Variants in EDA observed in about 807,000 individuals in gnomAD.
EDA encodes ectodysplasin-A.
A neutral mutation model predicts 23.6 loss-of-function variants in EDA; 2 were observed. That is an observed-to-expected ratio of 0.08 (90% CI 0.03 to 0.27). The LOEUF is 0.27. EDA is among the 10% of genes least tolerant of loss of function. The pLI, the probability that EDA is intolerant of heterozygous loss-of-function variation, is 1.00. For synonymous variants in EDA, 131 were observed against 132.0 expected (o/e 0.99, Z 0.05); for missense variants, 229 against 324.2 (o/e 0.71, Z 2.26).
At chrX:69,923,545 G>A (rs2018467999) in intron 1 of EDA, among the ~76,000 whole-genome samples, 1 of 111,665 alleles carries the variant, frequency 9.0e-6, no homozygotes, top group South Asian at 3.8e-4. Context: ...TCATTGATAG[G>A]CATTTGGGTT....
chrX:69,707,124 A>G (rs773927034), intron 1 of EDA, among the ~76,000 whole-genome samples: 98 of 112,453 alleles, frequency 8.7e-4, no homozygotes, highest in African/African-American at 3.1e-3. Flanking sequence ...GGCAGAACAT[A>G]TAGTCAACAG....
chrX:69,720,833 A>G (rs1206236297), intron 1 of EDA, among the ~76,000 whole-genome samples: 2 of 112,529 alleles, frequency 1.8e-5, no homozygotes, highest in African/African-American at 6.5e-5. Context: ...AAATAATTCT[A>G]ACATCTGATT....
intron 1 of EDA, among the ~76,000 whole-genome samples, chrX:69,789,797 A>G (rs2015345749): frequency 1.8e-5 from 2 of 112,283 alleles, no homozygotes; most frequent in South Asian, 7.4e-4. Context: ...ATGGCCTCAA[A>G]AAGTAGATAG....
intron 1 of EDA, among the ~76,000 whole-genome samples, chrX:69,817,042 A>G (rs1439738254): frequency 8.9e-6 from 1 of 112,023 alleles, no homozygotes; most frequent in Non-Finnish European, 1.9e-5. Context: ...AAAGCCAGAA[A>G]AGATTGGGGC....
chrX:69,982,625 T>G (rs1248295018), intron 2 of EDA, among the ~76,000 whole-genome samples: 2 of 111,945 alleles, frequency 1.8e-5, no homozygotes, highest in East Asian at 2.8e-4. Context: ...TTTTTTTTCT[T>G]AAAAATAAAA....
intron 1 of EDA, chrX:69,938,128 C>G: frequency 1.4e-6 from 1 of 727,834 alleles, no homozygotes; most frequent in Non-Finnish European, 2.0e-6. Context: ...TCACTGAGCT[C>G]TCACTCCTCC....
chrX:69,706,055 TC>T (rs1327571086), intron 1 of EDA, among the ~76,000 whole-genome samples: 1 of 112,273 alleles, frequency 8.9e-6, no homozygotes, highest in African/African-American at 3.2e-5. Flanking sequence ...CTGCCTTTCT[TC>T]CGGTGCAGAG....
intron 1 of EDA, among the ~76,000 whole-genome samples, chrX:69,840,666 A>G (rs2016875659): frequency 8.9e-6 from 1 of 112,409 alleles, no homozygotes; most frequent in South Asian, 3.6e-4. Context: ...TCAACCTGCT[A>G]TAACAAAATT....
intron 2 of EDA, among the ~76,000 whole-genome samples, chrX:69,978,318 TAAAAAAAAAAAAAAAAAA>T (rs144187734): frequency 0.12 from 2,436 of 20,592 alleles, 167 homozygotes; most frequent in African/African-American, 0.29. Flanking sequence ...ACTCCATCTC[TAAAAAAAAAAAAAAAAAA>T]AAAAAAAAAA....
chrX:69,753,232 C>T (rs1201986084), intron 1 of EDA, among the ~76,000 whole-genome samples: 1 of 111,923 alleles, frequency 8.9e-6, no homozygotes, highest in Non-Finnish European at 1.9e-5. Flanking sequence ...GAATTTCCCT[C>T]TACACACTGC....
intron 1 of EDA, among the ~76,000 whole-genome samples, chrX:69,774,559 T>C (rs185614351): frequency 1.0e-5 from 1 of 96,821 alleles, no homozygotes; most frequent in African/African-American, 3.3e-5. Context: ...TTGTTGTATA[T>C]TTTGTTTTGT....
At chrX:69,720,223 A>G (rs959035104) in intron 1 of EDA, among the ~76,000 whole-genome samples, 8 of 112,155 alleles carry the variant, frequency 7.1e-5, no homozygotes, top group Non-Finnish European at 1.5e-4. Flanking sequence ...TGCCCTTTCT[A>G]TTGGCCTTTA....
chrX:69,886,569 CT>C lies in EDA; in HGVS notation c.397-70455del, dbSNP rs1045907596. Among the ~76,000 whole-genome samples, 17 of 111,467 alleles carry C rather than the reference CT, an allele frequency of 1.5e-4. 1 individual carries two copies. The highest frequency in any genetic ancestry group is 3.0e-4 in the Non-Finnish European group (16 of 53,069). On this transcript the variant is annotated intron_variant, in intron 1 of 7. Coordinates refer to ENST00000374552, the MANE Select transcript of EDA (RefSeq NM_001399.5). Reference sequence around the variant, plus strand: ...TACCCACTCAGTGATCCAACAAGAGCTTTCCCAGGGACTCAAAGTAAGTCAC... The same window carrying C: ...TACCCACTCAGTGATCCAACAAGAGCTTCCCAGGGACTCAAAGTAAGTCAC...
At chrX:69,690,177 C>T (rs991940758) in intron 1 of EDA, among the ~76,000 whole-genome samples, 3 of 111,047 alleles carry the variant, frequency 2.7e-5, no homozygotes, top group East Asian at 2.8e-4. Context: ...TAACTATAAC[C>T]TCTAGTAACA....
At chrX:69,695,613 G>A (rs1219238380) in intron 1 of EDA, among the ~76,000 whole-genome samples, 3 of 103,968 alleles carry the variant, frequency 2.9e-5, no homozygotes, top group South Asian at 4.8e-4. Flanking sequence ...AGGTTCAAGC[G>A]ATTCTCCTGC....
rs1439550598 is a variant in EDA, at chrX:69,849,080, TATACACACACACACACAC to T, written c.397-107945_397-107928del. ...TTTAATATAATGCACACAAAGTCTA[TATACACACACACACACAC>T]ACACACACACACACACACACACACA... On this transcript the variant is annotated intron_variant, in intron 1 of 7. Transcript: ENST00000374552. Among the ~76,000 whole-genome samples the T allele has an allele frequency of 4.3e-3, 363 of 84,702 alleles. 2 individuals carry two copies. The highest frequency in any genetic ancestry group is 0.013 in the South Asian group (21 of 1,593). 73.6% of individuals were successfully genotyped at this position (84,702 alleles called of 115,157 possible). A position where few individuals can be genotyped will look rare whatever the true frequency, so the allele number is the denominator to read the frequency against.
chrX:69,990,568 G>C (rs2019573021), intron 2 of EDA, among the ~76,000 whole-genome samples: 2 of 110,722 alleles, frequency 1.8e-5, no homozygotes, highest in South Asian at 7.7e-4. Context: ...CATGAAGGTG[G>C]AATTCTAGGC....
intron 7 of EDA, 138 bp downstream of exon 7, chrX:70,033,666 A>C: frequency 1.4e-6 from 1 of 698,168 alleles, no homozygotes; most frequent in Non-Finnish European, 2.2e-6. Flanking sequence ...GGGGGACCGC[A>C]CTGGGAGGGA....
At chrX:69,927,446 A>G (rs1014665023) in intron 1 of EDA, among the ~76,000 whole-genome samples, 1 of 111,756 alleles carries the variant, frequency 8.9e-6, no homozygotes, top group Non-Finnish European at 1.9e-5. Flanking sequence ...TCTGGGTTGA[A>G]AATTCTTTTC....
Sources: gnomAD v4.1 joint callset for allele counts (sites outside exome capture counted in the v4.1 genomes callset) on GRCh38, gnomAD v4.1.1 for gene constraint, MANE v1.5 for transcripts, NCBI Gene and HGNC (gene_info 2026-07-23, HGNC 2026-07-21) for gene names.